The following ATP2B2 variants were observed in gnomAD, a reference collection of about 807,000 sequenced individuals.
The protein encoded by ATP2B2 is plasma membrane calcium-transporting ATPase 2.
ATP2B2 carries 15 observed loss-of-function variants against 120.0 expected under a neutral mutation model. That is an observed-to-expected ratio of 0.12 (90% CI 0.08 to 0.19). ATP2B2 has a LOEUF of 0.19. Among genes scored for constraint, ATP2B2 ranks in the 10% least tolerant of loss-of-function variants. The pLI, the probability that ATP2B2 is intolerant of heterozygous loss-of-function variation, is 1.00. For missense variants in ATP2B2, 1,045 were observed against 1,719.8 expected (o/e 0.61, Z 6.94); for synonymous variants, 694 against 700.3 (o/e 0.99, Z 0.14).
At chr3:10,385,469 A>T in intron 7 of ATP2B2, 142 bp from the exon 8 acceptor site, 2 of 715,578 alleles carry the variant, frequency 2.8e-6, no homozygotes, top group South Asian at 3.2e-5. Context: ...CAAGAAACTC[A>T]AATTTGGGGT....
chr3:10,514,070 G>A (rs906002858), intron 3 of ATP2B2, among the ~76,000 whole-genome samples: 4 of 152,160 alleles, frequency 2.6e-5, no homozygotes, highest in Non-Finnish European at 5.9e-5. Flanking sequence ...ACCTTTTAAG[G>A]TGGCTTTGAT....
intron 1 of ATP2B2, among the ~76,000 whole-genome samples, chr3:10,643,356 A>C (rs76743825): frequency 0.023 from 3,492 of 152,346 alleles, 67 homozygotes; most frequent in South Asian, 0.087. Flanking sequence ...CAAAATCAGC[A>C]ATCATAGTAA....
intron 1 of ATP2B2, among the ~76,000 whole-genome samples, chr3:10,673,170 C>A (rs1193332095): frequency 3.3e-5 from 5 of 152,164 alleles, no homozygotes; most frequent in African/African-American, 1.2e-4. Context: ...GTTCCGTCAC[C>A]ATTGCTTTTG....
chr3:10,605,698 G>A (rs1305158735), intron 2 of ATP2B2, among the ~76,000 whole-genome samples: 1 of 151,996 alleles, frequency 6.6e-6, no homozygotes, highest in Non-Finnish European at 1.5e-5. Context: ...ACCCAGGTGG[G>A]AGTGCAGTGG....
intron 1 of ATP2B2, among the ~76,000 whole-genome samples, chr3:10,462,209 A>G (rs1484941667): frequency 5.3e-5 from 8 of 151,812 alleles, no homozygotes; most frequent in African/African-American, 1.7e-4. Context: ...GTCCCCTCCA[A>G]AGGTCCTCCA....
At chr3:10,397,780 A>G (rs1288925988) in intron 5 of ATP2B2, among the ~76,000 whole-genome samples, 1 of 152,144 alleles carries the variant, frequency 6.6e-6, no homozygotes, top group Admixed American at 6.5e-5. Flanking sequence ...GTCACCCTCC[A>G]ACATCCCCAC....
At chr3:10,488,104 TCCATCCATCCATCCAC>T (rs1365086026) in intron 1 of ATP2B2, among the ~76,000 whole-genome samples, 4 of 151,338 alleles carry the variant, frequency 2.6e-5, no homozygotes, top group African/African-American at 4.9e-5. Flanking sequence ...CATCCAGCCA[TCCATCCATCCATCCAC>T]CCATCCATCC....
At chr3:10,614,361 G>A (rs1471387093) in intron 2 of ATP2B2, among the ~76,000 whole-genome samples, 2 of 152,042 alleles carry the variant, frequency 1.3e-5, no homozygotes, top group African/African-American at 4.8e-5. Flanking sequence ...TTTCCAGCTG[G>A]TTGTTATAAG....
At chr3:10,489,451 T>C (rs2065853206) in intron 1 of ATP2B2, among the ~76,000 whole-genome samples, 1 of 152,206 alleles carries the variant, frequency 6.6e-6, no homozygotes, top group East Asian at 1.9e-4. Flanking sequence ...ATGGAGGACT[T>C]GCATATGCCT....
chr3:10,410,084 T>C (rs902633952), intron 3 of ATP2B2, among the ~76,000 whole-genome samples: 7 of 152,200 alleles, frequency 4.6e-5, no homozygotes, highest in Non-Finnish European at 1.0e-4. Flanking sequence ...TGAGGACTCT[T>C]TATTAGCTGG....
intron 2 of ATP2B2, among the ~76,000 whole-genome samples, chr3:10,584,493 C>A (rs567240053): frequency 6.6e-6 from 1 of 152,130 alleles, no homozygotes; most frequent in South Asian, 2.1e-4. Context: ...CACCCATGGG[C>A]GCTTCTGTAC....
rs1466776626 is a variant in ATP2B2 at position 10,499,467 on chromosome 3, A to G, written c.-320+5998T>C. Among the ~76,000 whole-genome samples the G allele has an allele frequency of 2.6e-5, 4 of 152,386 alleles. 1 individual carries two copies. Among genetic ancestry groups the G allele is most frequent in the African/African-American group, 7.2e-5 (3 of 41,596 alleles). ...ATTCCCCTCCCACGCATTACATGGGAAAACAAAAAGCATTTGTAAAGTGCT... is the reference window on the plus strand; with the variant it reads ...ATTCCCCTCCCACGCATTACATGGGGAAACAAAAAGCATTTGTAAAGTGCT... On this transcript the variant is annotated intron_variant, in intron 1 of 22. Coordinates refer to ENST00000360273, the MANE Select transcript of ATP2B2 (RefSeq NM_001001331.4).
rs1319299198 is a variant in ATP2B2 at position 10,360,806 on chromosome 3, T to G, written c.1660-683A>C. Among the ~76,000 whole-genome samples the G allele has an allele frequency of 5.3e-5, 8 of 152,204 alleles. No homozygotes were observed. The East Asian group carries it at 1.5e-3, about 29-fold the overall frequency. ...TGTGGGTGTGCGTGTGTATTTTCTA[T>G]GCAATGGCACCACATGTGAGTTAAT... On this transcript the variant is annotated intron_variant, in intron 12 of 22. Coordinates refer to ENST00000360273, the MANE Select transcript of ATP2B2 (RefSeq NM_001001331.4).
intron 22 of ATP2B2, chr3:10,336,010 C>T (rs912451364): frequency 4.3e-5 from 54 of 1,251,278 alleles, no homozygotes; most frequent in Non-Finnish European, 5.7e-5. Flanking sequence ...TGGGACCCTT[C>T]ATCCCCCTGG....
At chr3:10,354,512 C>T (rs139490530) in intron 14 of ATP2B2, among the ~76,000 whole-genome samples, 45 of 152,308 alleles carry the variant, frequency 3.0e-4, no homozygotes, top group Non-Finnish European at 6.2e-4. Flanking sequence ...TGGTGACAGC[C>T]GTTGTCTGTG....
intron 2 of ATP2B2, among the ~76,000 whole-genome samples, chr3:10,587,961 T>C (rs1486312490): frequency 6.6e-6 from 1 of 152,316 alleles, no homozygotes; most frequent in African/African-American, 2.4e-5. Flanking sequence ...TACAAATCCA[T>C]AGTGAGAATT....
At chr3:10,524,969 A>T (rs1213488115) in intron 3 of ATP2B2, among the ~76,000 whole-genome samples, 1 of 152,188 alleles carries the variant, frequency 6.6e-6, no homozygotes, top group East Asian at 1.9e-4. Context: ...TGTGCTGGGC[A>T]TGGGAGGCTC....
intron 1 of ATP2B2, among the ~76,000 whole-genome samples, chr3:10,498,575 C>T (rs2066250921): frequency 6.6e-6 from 1 of 152,242 alleles, no homozygotes; most frequent in Non-Finnish European, 1.5e-5. Context: ...TGAGTTCATC[C>T]AGATGACGCC....
chr3:10,557,148 T>C (rs193097448), intron 2 of ATP2B2, among the ~76,000 whole-genome samples: 60 of 152,322 alleles, frequency 3.9e-4, no homozygotes, highest in African/African-American at 1.4e-3. Flanking sequence ...AGCCTTGGTC[T>C]CTGCTCTGAG....
Sources: allele counts gnomAD v4.1 joint callset (sites outside exome capture counted in the v4.1 genomes callset), GRCh38; gene constraint gnomAD v4.1.1; transcripts MANE v1.5; gene names NCBI Gene and HGNC (gene_info 2026-07-23, HGNC 2026-07-21).